The following XYLT1 variants were observed in gnomAD, a reference collection of about 807,000 sequenced individuals.
The protein encoded by XYLT1 is beta-D-xylosyltransferase 1.
XYLT1 carries 36 observed loss-of-function variants against 91.3 expected under a neutral mutation model. The observed-to-expected ratio is 0.39, with a 90% confidence interval of 0.30 to 0.52. XYLT1 has a LOEUF of 0.52. Ranked by LOEUF, XYLT1 falls within the 20% of genes least tolerant of loss-of-function variation. The pLI, the probability that XYLT1 is intolerant of heterozygous loss-of-function variation, is 0.68. For synonymous variants in XYLT1, 588 were observed against 532.0 expected (o/e 1.11, Z -1.45); for missense variants, 1,242 against 1,284.5 (o/e 0.97, Z 0.51).
chr16:17,461,703 CA>C lies in XYLT1; in HGVS notation c.363+8730del, dbSNP rs376847595. 4.4e-4 allele frequency among the ~76,000 whole-genome samples: 67 copies of C among 152,086 alleles called. No individual in the cohort carries two copies. In the South Asian group the frequency reaches 1.0e-2, roughly 23 times the overall value. On this transcript the variant is annotated intron_variant, in intron 1 of 11. Transcript: ENST00000261381. ...AAATGCATGCATAAATAGATGGAGGCAGGGGGAGAATGAGGGGCTAGAGTCA... is the reference window on the plus strand; with the variant it reads ...AAATGCATGCATAAATAGATGGAGGCGGGGGAGAATGAGGGGCTAGAGTCA...
intron 9 of XYLT1, among the ~76,000 whole-genome samples, chr16:17,130,781 C>T (rs1421939544): frequency 3.9e-5 from 6 of 152,304 alleles, no homozygotes; most frequent in South Asian, 4.1e-4. Flanking sequence ...ATAGTAGCCA[C>T]GTCCATCGTC....
Position 17,158,919 on chromosome 16 carries a change from C to T in XYLT1, c.1290-10G>A. 5 of 1,613,766 alleles carry T rather than the reference C, an allele frequency of 3.1e-6. No homozygotes were observed. Among genetic ancestry groups the T allele is most frequent in the Non-Finnish European group, 4.2e-6 (5 of 1,179,718 alleles). On this transcript the variant is annotated splice_polypyrimidine_tract_variant and intron_variant, in intron 5 of 11. Coordinates refer to ENST00000261381, the MANE Select transcript of XYLT1 (RefSeq NM_022166.4). ...CAACTGGTCATTTGTCCTGTGGAAACAAACCAAGGGGAGAGTCAGGCCAGA... is the reference window on the plus strand; with the variant it reads ...CAACTGGTCATTTGTCCTGTGGAAATAAACCAAGGGGAGAGTCAGGCCAGA...
chr16:17,310,461 G>A (rs2034529167), intron 2 of XYLT1, among the ~76,000 whole-genome samples: 1 of 152,188 alleles, frequency 6.6e-6, no homozygotes, highest in African/African-American at 2.4e-5. Flanking sequence ...AGATAGTGAT[G>A]TGGCCTGAGA....
chr16:17,400,589 CA>C (rs1175663581), intron 1 of XYLT1, among the ~76,000 whole-genome samples: 2 of 73,530 alleles, frequency 2.7e-5, no homozygotes, highest in Non-Finnish European at 5.2e-5. Context: ...GACTCCATCT[CA>C]AAAAAAAAGA....
chr16:17,349,354 T>C (rs771383508), intron 2 of XYLT1, among the ~76,000 whole-genome samples: 4 of 152,216 alleles, frequency 2.6e-5, no homozygotes, highest in Admixed American at 1.3e-4. Flanking sequence ...CTAGATCTAA[T>C]CTCTAATCTC....
chr16:17,172,855 A>G (rs1246340589), intron 5 of XYLT1, among the ~76,000 whole-genome samples: 1 of 152,084 alleles, frequency 6.6e-6, no homozygotes, highest in Non-Finnish European at 1.5e-5. Context: ...GGCCCATTTC[A>G]TTGAGGACAT....
intron 2 of XYLT1, among the ~76,000 whole-genome samples, chr16:17,260,381 G>A (rs77473348): frequency 0.036 from 5,460 of 152,172 alleles, 339 homozygotes; most frequent in African/African-American, 0.12. Context: ...CATTCCCAAG[G>A]CCTTAATCTG....
At chr16:17,329,940 C>T (rs1035129052) in intron 2 of XYLT1, among the ~76,000 whole-genome samples, 1 of 152,150 alleles carries the variant, frequency 6.6e-6, no homozygotes, top group Non-Finnish European at 1.5e-5. Context: ...AAATGTTGAG[C>T]GTCTAACACC....
At chr16:17,398,697 G>A (rs2141898745) in intron 1 of XYLT1, among the ~76,000 whole-genome samples, 1 of 152,070 alleles carries the variant, frequency 6.6e-6, no homozygotes, top group Admixed American at 6.6e-5. Flanking sequence ...CCCTCTCCTG[G>A]CTTCTGGTGG....
intron 1 of XYLT1, among the ~76,000 whole-genome samples, chr16:17,459,796 G>A (rs1378433348): frequency 6.6e-6 from 1 of 152,148 alleles, no homozygotes; most frequent in Non-Finnish European, 1.5e-5. Context: ...TGTGCATAAG[G>A]CCTGGCACAC....
intron 1 of XYLT1, among the ~76,000 whole-genome samples, chr16:17,419,958 T>C (rs73527403): frequency 6.6e-6 from 1 of 152,164 alleles, no homozygotes; most frequent in Admixed American, 6.5e-5. Context: ...TGTTGATAAA[T>C]AATGAATCCA....
chr16:17,437,096 A>T (rs1157256466), intron 1 of XYLT1, among the ~76,000 whole-genome samples: 1 of 152,110 alleles, frequency 6.6e-6, no homozygotes. Context: ...CATTTTACAG[A>T]TCCGAAAACT....
intron 3 of XYLT1, among the ~76,000 whole-genome samples, chr16:17,212,823 C>T (rs1319560864): frequency 2.6e-5 from 4 of 152,208 alleles, no homozygotes; most frequent in South Asian, 2.1e-4. Context: ...GTACATTTCA[C>T]TGCAATTCAC....
At chr16:17,338,183 T>C (rs762515759) in intron 2 of XYLT1, 9 of 456,374 alleles carry the variant, frequency 2.0e-5, no homozygotes, top group South Asian at 1.1e-4. Flanking sequence ...CCTTTTCTGA[T>C]TCCTTGCCTC....
At chr16:17,425,948 A>T (rs1050832482) in intron 1 of XYLT1, among the ~76,000 whole-genome samples, 4 of 152,164 alleles carry the variant, frequency 2.6e-5, no homozygotes, top group African/African-American at 9.7e-5. Flanking sequence ...TGGTACCATG[A>T]CCACTTCCAT....
At chr16:17,116,945 AT>A (rs1394673897) in intron 11 of XYLT1, among the ~76,000 whole-genome samples, 2 of 151,010 alleles carry the variant, frequency 1.3e-5, no homozygotes, top group Admixed American at 6.6e-5. Flanking sequence ...TCTCTCCTCC[AT>A]TTTTTTCCTC....
intron 1 of XYLT1, among the ~76,000 whole-genome samples, chr16:17,396,349 C>A (rs1310516658): frequency 6.6e-6 from 1 of 152,104 alleles, no homozygotes; most frequent in Non-Finnish European, 1.5e-5. Context: ...AGCTGGGTGA[C>A]CTTGGGCATG....
At chr16:17,280,713 C>T (rs1406059981) in intron 2 of XYLT1, among the ~76,000 whole-genome samples, 1 of 152,220 alleles carries the variant, frequency 6.6e-6, no homozygotes, top group Non-Finnish European at 1.5e-5. Flanking sequence ...TATGTGTTCA[C>T]ATACAATGTA....
intron 5 of XYLT1, among the ~76,000 whole-genome samples, chr16:17,159,653 C>T (rs2031499140): frequency 6.6e-6 from 1 of 152,192 alleles, no homozygotes; most frequent in African/African-American, 2.4e-5. Context: ...GGACGGATAC[C>T]AAGTCCTCGA....
Sources: gnomAD v4.1 joint callset for allele counts (sites outside exome capture counted in the v4.1 genomes callset) on GRCh38, gnomAD v4.1.1 for gene constraint, MANE v1.5 for transcripts, NCBI Gene and HGNC (gene_info 2026-07-23, HGNC 2026-07-21) for gene names.